Variants in APIP observed in about 807,000 individuals in gnomAD.
The protein encoded by APIP is APAF1 interacting protein.
APIP carries 32 observed loss-of-function variants against 32.0 expected under a neutral mutation model. That is an observed-to-expected ratio of 1.00 (90% CI 0.76 to 1.34). APIP has a LOEUF of 1.34. Among genes scored for constraint, APIP ranks in the 40% most tolerant of loss-of-function variants. The pLI, the probability that APIP is intolerant of heterozygous loss-of-function variation, is 0.00. For missense variants in APIP, 247 were observed against 298.6 expected, an observed-to-expected ratio of 0.83 and a Z score of 1.27; for synonymous variants, 92 against 94.8, an observed-to-expected ratio of 0.97 and a Z score of 0.17.
At chr11:34,910,437 G>C (rs1269786917) in intron 1 of APIP, among the ~76,000 whole-genome samples, 1 of 152,162 alleles carries the variant, frequency 6.6e-6, no homozygotes, top group African/African-American at 2.4e-5. Flanking sequence ...GGAAAAACTG[G>C]TTAATTAAGA....
At chr11:34,883,680 T>G (rs553224810) in intron 5 of APIP, among the ~76,000 whole-genome samples, 176 bp from the exon 6 acceptor site, 1 of 152,282 alleles carries the variant, frequency 6.6e-6, no homozygotes, top group Admixed American at 6.5e-5. Flanking sequence ...AACATCTCTA[T>G]CAAAAGGTAC....
intron 5 of APIP, among the ~76,000 whole-genome samples, chr11:34,886,165 A>C (rs1853067192): frequency 6.6e-6 from 1 of 152,200 alleles, no homozygotes; most frequent in African/African-American, 2.4e-5. Flanking sequence ...GTTAGTTATC[A>C]CAGGAGATGA....
Position 34,900,054 on chromosome 11 carries a change from G to C in APIP, c.58-4944C>G, listed in dbSNP as rs1441120408. The stretch of plus-strand genomic sequence containing the variant: ...GGCATGGCCTTCTTATCATCTTGGA[G>C]ATGGACAAACCTGGCCTGCTTGGTG... On this transcript the variant is annotated intron_variant, in intron 1 of 6. Coordinates refer to ENST00000395787, the MANE Select transcript of APIP (RefSeq NM_015957.4). Among the ~76,000 whole-genome samples, 8 of 152,204 alleles carry C rather than the reference G, an allele frequency of 5.3e-5. 1 individual carries two copies. The East Asian group carries it at 1.3e-3, about 26-fold the overall frequency.
chr11:34,885,574 G>T (rs926846991), intron 5 of APIP, among the ~76,000 whole-genome samples: 6 of 152,134 alleles, frequency 3.9e-5, no homozygotes, highest in Non-Finnish European at 8.8e-5. Flanking sequence ...GAAATGGGGG[G>T]CAATTGTCGG....
At chr11:34,884,583 G>A (rs956640443) in intron 5 of APIP, among the ~76,000 whole-genome samples, 1 of 152,134 alleles carries the variant, frequency 6.6e-6, no homozygotes, top group East Asian at 1.9e-4. Context: ...AAATCAGCCA[G>A]GTATGGTGGT....
chr11:34,911,685 C>T lies in APIP; in HGVS notation c.57+4543G>A, dbSNP rs982508484. ...CCATAATACTCCCACATAGCAAAAA[C>T]GATCAGTGTTGTGTAGTGCTACCTC... On this transcript the variant is annotated intron_variant, in intron 1 of 6. Coordinates refer to ENST00000395787, the MANE Select transcript of APIP (RefSeq NM_015957.4). Among the ~76,000 whole-genome samples, 3 of 152,202 alleles carry T rather than the reference C, an allele frequency of 2.0e-5. No individual in the cohort carries two copies. In the South Asian group the frequency reaches 6.2e-4, roughly 32 times the overall value.
At position 34,882,925 on chromosome 11, in the gene APIP, T is replaced by C. The variant is rs564316336; in HGVS notation, c.630-109A>G. ...AGTTAACTCTGCTTTGTTCCTAGTA[T>C]GTATTTTCTCTCAATTCTAGGCCAA... On this transcript the variant is annotated intron_variant, in intron 6 of 6. Transcript: ENST00000395787. 598 of 767,464 alleles carry C rather than the reference T, an allele frequency of 7.8e-4. 1 individual carries two copies. Among genetic ancestry groups the C allele is most frequent in the Non-Finnish European group, 1.0e-3 (488 of 483,126 alleles). 47.5% of individuals were successfully genotyped at this position (767,464 alleles called of 1,614,324 possible).
At chr11:34,906,841 G>T (rs1210923605) in intron 1 of APIP, among the ~76,000 whole-genome samples, 1 of 152,126 alleles carries the variant, frequency 6.6e-6, no homozygotes, top group East Asian at 1.9e-4. Flanking sequence ...TATGGAATTG[G>T]TTAGCTCCTT....
At chr11:34,898,798 T>G (rs1853327690) in intron 1 of APIP, among the ~76,000 whole-genome samples, 1 of 126,336 alleles carries the variant, frequency 7.9e-6, no homozygotes, top group South Asian at 2.9e-4. Context: ...TTTTTTTTTT[T>G]TTTTTTTTTT....
intron 2 of APIP, among the ~76,000 whole-genome samples, chr11:34,892,224 T>C (rs150901457): frequency 4.6e-4 from 70 of 152,294 alleles, no homozygotes; most frequent in African/African-American, 1.5e-3. Flanking sequence ...GACAGAGCTT[T>C]TTAGAATAGA....
chr11:34,895,749 T>C (rs1179830186), intron 1 of APIP, among the ~76,000 whole-genome samples: 3 of 96,148 alleles, frequency 3.1e-5, no homozygotes, highest in African/African-American at 8.8e-5. Flanking sequence ...TATGTGTGTG[T>C]ATACAGACAG....
chr11:34,913,528 G>T (rs1301783130), intron 1 of APIP, among the ~76,000 whole-genome samples: 3 of 152,190 alleles, frequency 2.0e-5, no homozygotes, highest in African/African-American at 7.2e-5. Flanking sequence ...GTTCCTCCCG[G>T]TGGGTTCATG....
chr11:34,888,780 A>G lies in APIP; in HGVS notation c.297T>C (p.Pro99=), dbSNP rs765119740. The G allele has an allele frequency of 1.3e-6, 2 of 1,523,574 alleles. No homozygotes were observed. The highest frequency in any genetic ancestry group is 5.3e-5 in the Admixed American group (2 of 38,030). 94.4% of individuals were successfully genotyped at this position (1,523,574 alleles called of 1,614,324 possible). A position where few individuals can be genotyped will look rare whatever the true frequency, so the allele number is the denominator to read the frequency against. ...TCATTGTGTAAGCATTCATGAAAAG[A>G]GGAGTACACTGGCTTTTTTTTAGCT... ...SKKLKKSQCT[P]LFMNAYTMRG... is the part of the protein sequence containing the mutation. The change falls in exon 4 of 7, where the codon CCT becomes CCC. Residue 99 remains proline, a synonymous_variant. Coordinates refer to ENST00000395787, the MANE Select transcript of APIP (RefSeq NM_015957.4).
At chr11:34,893,094 G>A (rs1262856628) in intron 2 of APIP, among the ~76,000 whole-genome samples, 1 of 152,068 alleles carries the variant, frequency 6.6e-6, no homozygotes, top group Non-Finnish European at 1.5e-5. Flanking sequence ...AATTTCCTAT[G>A]AGCTGATTTT....
Position 34,888,441 on chromosome 11 carries a change from G to A in APIP, c.326-13C>T, listed in dbSNP as rs1853120658. On this transcript the variant is annotated splice_polypyrimidine_tract_variant and intron_variant, in intron 4 of 6. Transcript: ENST00000395787. ...ACTGCACCTGCTCCTGAAGGAGGAA[G>A]AAGAAAGCCGCATGCTCAATGAAGA... is the stretch of plus-strand genomic sequence containing the variant. 6.2e-7 allele frequency: 1 copy of A among 1,602,820 alleles called. No homozygotes were observed. The highest frequency in any genetic ancestry group is 8.5e-7 in the Non-Finnish European group (1 of 1,176,680).
At position 34,916,355 on chromosome 11, in the gene APIP, C is replaced by A; in HGVS notation, c.-71G>T. On this transcript the variant is annotated 5_prime_UTR_variant, in exon 1 of 7. Coordinates refer to ENST00000395787, the MANE Select transcript of APIP (RefSeq NM_015957.4). ...TGCGCGCGGCGCTTAGCCTGGGATACGGCAGCGAGGCCGCAAATGCAATCA... is the reference window on the plus strand; with the variant it reads ...TGCGCGCGGCGCTTAGCCTGGGATAAGGCAGCGAGGCCGCAAATGCAATCA... 1 of 1,578,150 alleles carries A rather than the reference C, an allele frequency of 6.3e-7. No homozygotes were observed. Among genetic ancestry groups the A allele is most frequent in the Non-Finnish European group, 8.6e-7 (1 of 1,162,008 alleles).
intron 1 of APIP, among the ~76,000 whole-genome samples, chr11:34,914,312 C>T (rs190284570): frequency 6.6e-6 from 1 of 152,338 alleles, no homozygotes; most frequent in East Asian, 1.9e-4. Flanking sequence ...TATAAATCCA[C>T]AATGCCTGGC....
chr11:34,915,629 T>C (rs1853660999), intron 1 of APIP, among the ~76,000 whole-genome samples: 1 of 152,202 alleles, frequency 6.6e-6, no homozygotes, highest in Non-Finnish European at 1.5e-5. Context: ...TTTGTGTAAA[T>C]GACCGAAAAC....
At chr11:34,911,142 T>G (rs1853542314) in intron 1 of APIP, among the ~76,000 whole-genome samples, 2 of 151,380 alleles carry the variant, frequency 1.3e-5, no homozygotes, top group African/African-American at 2.4e-5. Context: ...AAGTGTATGG[T>G]AAAAGGGTAG....
Sources: allele counts gnomAD v4.1 joint callset (sites outside exome capture counted in the v4.1 genomes callset), GRCh38; gene constraint gnomAD v4.1.1; transcripts MANE v1.5; gene names NCBI Gene and HGNC (gene_info 2026-07-23, HGNC 2026-07-21).